The following HSD17B8 variants were observed in gnomAD, a reference collection of about 807,000 sequenced individuals.
HSD17B8 encodes hydroxysteroid 17-beta dehydrogenase 8.
A neutral mutation model predicts 33.2 loss-of-function variants in HSD17B8; 23 were observed. The ratio of observed to expected loss-of-function variants is 0.69; its 90% CI spans 0.50 to 0.98. HSD17B8 has a LOEUF of 0.98. Ranked by LOEUF, HSD17B8 falls within the 50% of genes least tolerant of loss-of-function variation. The pLI is 0.00. For synonymous variants in HSD17B8, 137 were observed against 138.6 expected (o/e 0.99, Z 0.08); for missense variants, 345 against 347.5 (o/e 0.99, Z 0.06).
In HSD17B8 at chr6:33,206,586, C is replaced by A; in HGVS notation, c.770-52C>A. 1 of 1,605,820 alleles carries A rather than the reference C, an allele frequency of 6.2e-7. No individual in the cohort carries two copies. On this transcript the variant is annotated intron_variant, in intron 8 of 8. Coordinates refer to ENST00000374662, the MANE Select transcript of HSD17B8 (RefSeq NM_014234.5). The surrounding 1 kb of genome is among the most constrained non-coding windows in gnomAD (Gnocchi z 6.2). ...AGGGACAGAAGTGGGTACCCCCTAG[C>A]CCATTTGTGTCTCCACCCATGCATC...
In HSD17B8 at chr6:33,206,471, G is replaced by A. The variant is rs1392931752; in HGVS notation, c.769+22G>A. ...ACTGGTATGAGGCCAGCATGGGGAG[G>A]GAGAGGGCAGAGAAGTAGAACCCAG... On this transcript the variant is annotated intron_variant, in intron 8 of 8. Coordinates refer to ENST00000374662, the MANE Select transcript of HSD17B8 (RefSeq NM_014234.5). The surrounding 1 kb of genome is among the most constrained non-coding windows in gnomAD (Gnocchi z 6.2). The A allele has an allele frequency of 6.2e-7, 1 of 1,604,534 alleles. No homozygotes were observed. The highest frequency in any genetic ancestry group is 8.5e-7 in the Non-Finnish European group (1 of 1,171,302).
chr6:33,204,751 G>A, intron 1 of HSD17B8, 31 bp downstream of exon 1: 1 of 1,612,376 alleles, frequency 6.2e-7, no homozygotes, highest in African/African-American at 1.3e-5. Flanking sequence ...GGGCGGTTTG[G>A]GGTATTGGAG....
In HSD17B8 at chr6:33,204,870, T is replaced by G. The variant is rs773332438; in HGVS notation, c.53-32T>G. Reference sequence around the variant, plus strand: ...TCTGATCCCTGCCCTCTCCTCCCCGTGCCCGGTCCGGCGTGTTCTGTCCTA... The same window carrying G: ...TCTGATCCCTGCCCTCTCCTCCCCGGGCCCGGTCCGGCGTGTTCTGTCCTA... On this transcript the variant is annotated intron_variant, in intron 1 of 8. Transcript: ENST00000374662. 4.2e-4 allele frequency: 630 copies of G among 1,492,102 alleles called. 1 individual carries two copies. The highest frequency in any genetic ancestry group is 5.1e-4 in the Non-Finnish European group (565 of 1,117,592). The allele number at this position is 1,492,102 out of a possible 1,614,324, so 92.4% of individuals were successfully genotyped here.
Position 33,205,918 on chromosome 6 carries a change from AGGC to A in HSD17B8, c.651+7_651+9del. 1.2e-6 allele frequency: 2 copies of A among 1,608,900 alleles called. No homozygotes were observed. Among genetic ancestry groups the A allele is most frequent in the Middle Eastern group, 3.3e-4 (2 of 6,060 alleles). ...CACAGAAAGTGGTGGACAAGGTAGGAGGCTGTGGGTGGAGGGCAGAATCATTCA... is the reference window on the plus strand; with the variant it reads ...CACAGAAAGTGGTGGACAAGGTAGGATGTGGGTGGAGGGCAGAATCATTCA... On this transcript the variant is annotated splice_region_variant and intron_variant, in intron 6 of 8. Transcript: ENST00000374662. This position sits in a 1 kb window ranked among gnomAD's most constrained non-coding sequence, Gnocchi z 5.0.
rs201546042 is a variant in HSD17B8, at chr6:33,206,664, G to A, written c.*10G>A. 5 of 1,613,718 alleles carry A rather than the reference G, an allele frequency of 3.1e-6. No homozygotes were observed. In the East Asian group the frequency reaches 1.1e-4, roughly 36 times the overall value. On this transcript the variant is annotated 3_prime_UTR_variant, in exon 9 of 9. Coordinates refer to ENST00000374662, the MANE Select transcript of HSD17B8 (RefSeq NM_014234.5). The surrounding 1 kb of genome is among the most constrained non-coding windows in gnomAD (Gnocchi z 6.2). ...AGGTCTTTTCATGTAACTGCCTCAA[G>A]GACCCTGGACTCTGCTCACCCCCCC...
chr6:33,205,677 A>G lies in HSD17B8; in HGVS notation c.518A>G (p.Lys173Arg). The G allele has an allele frequency of 6.2e-7, 1 of 1,613,110 alleles. No homozygotes were observed. The highest frequency in any genetic ancestry group is 1.3e-5 in the African/African-American group (1 of 75,066). ...GGGCAGACAAACTATGCAGCATCCA[A>G]GGCTGGAGTGATTGGGCTGACCCAG... ...NVGQTNYAASKAGVIGLTQTA... is the reference protein window; with the variant it reads ...NVGQTNYAASRAGVIGLTQTA... The change falls in exon 5 of 9, where the codon AAG becomes AGG. Residue 173 changes from lysine (K) to arginine (R), a missense_variant. Physicochemically the swap from Lys to Arg is conservative, Grantham distance 26. Coordinates refer to ENST00000374662, the MANE Select transcript of HSD17B8 (RefSeq NM_014234.5). This position sits in a 1 kb window ranked among gnomAD's most constrained non-coding sequence, Gnocchi z 5.0.
In HSD17B8 at chr6:33,206,098, A is replaced by G; in HGVS notation, c.652-36A>G. The G allele has an allele frequency of 1.9e-6, 3 of 1,600,794 alleles. No homozygotes were observed. Among genetic ancestry groups the G allele is most frequent in the Non-Finnish European group, 2.6e-6 (3 of 1,175,328 alleles). On this transcript the variant is annotated intron_variant, in intron 6 of 8. Coordinates refer to ENST00000374662, the MANE Select transcript of HSD17B8 (RefSeq NM_014234.5). This position sits in a 1 kb window ranked among gnomAD's most constrained non-coding sequence, Gnocchi z 6.2. ...GACTCAGTCTTCAAAAAAATCCATA[A>G]AAGAAGCTTTCACCCACATGAGTAT...
At position 33,204,978 on chromosome 6, in the gene HSD17B8, G is replaced by A. The variant is rs111493353; in HGVS notation, c.129G>A (p.Leu43=). 3,863 of 1,480,472 alleles carry A rather than the reference G, an allele frequency of 2.6e-3. 86 individuals are homozygous for A. In the South Asian group the frequency reaches 0.036, roughly 14 times the overall value. 91.7% of individuals were successfully genotyped at this position (1,480,472 alleles called of 1,614,324 possible). Residue 43 remains leucine, a synonymous_variant, in exon 2 of 9, where the codon CTG becomes CTA. Transcript: ENST00000374662. ...GEGATVAACD[L]DRAAAQETVR... Reference sequence around the variant, plus strand: ...GGGCCACCGTAGCTGCCTGCGACCTGGACCGGGCAGCGGCACAGGAGACGG... The same window carrying A: ...GGGCCACCGTAGCTGCCTGCGACCTAGACCGGGCAGCGGCACAGGAGACGG...
Position 33,206,773 on chromosome 6 carries a change from G to A in HSD17B8, c.*119G>A. The A allele has an allele frequency of 1.9e-6, 2 of 1,069,660 alleles. No individual in the cohort carries two copies. Among genetic ancestry groups the A allele is most frequent in the Non-Finnish European group, 2.9e-6 (2 of 691,366 alleles). The allele number at this position is 1,069,660 out of a possible 1,614,324, so 66.3% of individuals were successfully genotyped here. On this transcript the variant is annotated 3_prime_UTR_variant, in exon 9 of 9. Coordinates refer to ENST00000374662, the MANE Select transcript of HSD17B8 (RefSeq NM_014234.5). The surrounding 1 kb of genome is among the most constrained non-coding windows in gnomAD (Gnocchi z 6.2). Reference sequence around the variant, plus strand: ...TGGCAGTGTATGGTTCAGGAATGCTGAATATGGGAAGCAGGGGTGCTTGTG... The same window carrying A: ...TGGCAGTGTATGGTTCAGGAATGCTAAATATGGGAAGCAGGGGTGCTTGTG...
Position 33,206,375 on chromosome 6 carries a change from A to G in HSD17B8, c.695A>G (p.Asp232Gly). The G allele has an allele frequency of 6.2e-7, 1 of 1,613,518 alleles. No individual in the cohort carries two copies. Among genetic ancestry groups the G allele is most frequent in the Non-Finnish European group, 8.5e-7 (1 of 1,179,852 alleles). The change falls in exon 8 of 9, where the codon GAT (aspartate) becomes GGT (glycine). Residue 232 changes from aspartate (D) to glycine (G), a missense_variant and splice_region_variant. Transcript: ENST00000374662. This position sits in a 1 kb window ranked among gnomAD's most constrained non-coding sequence, Gnocchi z 6.2. ...IPMGHLGDPE[D>G]VADVVAFLAS... ...TGCCCTCTCCCCACCATTCTCATAG[A>G]TGTGGCAGATGTGGTCGCATTCTTG...
chr6:33,205,885 G>C lies in HSD17B8; in HGVS notation c.624G>C (p.Gln208His). Residue 208 changes from glutamine to histidine, a missense_variant, in exon 6 of 9, where the codon CAG becomes CAC. Gln to His is a conservative substitution (Grantham distance 24, BLOSUM62 0). Coordinates refer to ENST00000374662, the MANE Select transcript of HSD17B8 (RefSeq NM_014234.5). This position sits in a 1 kb window ranked among gnomAD's most constrained non-coding sequence, Gnocchi z 5.0. ...LPGFIATPMT[Q>H]KVPQKVVDKI... ...GGTTCATTGCAACACCCATGACACAGAAAGTGCCACAGAAAGTGGTGGACA... is the reference window on the plus strand; with the variant it reads ...GGTTCATTGCAACACCCATGACACACAAAGTGCCACAGAAAGTGGTGGACA... 6 of 1,612,934 alleles carry C rather than the reference G, an allele frequency of 3.7e-6. No individual in the cohort carries two copies. The highest frequency in any genetic ancestry group is 2.2e-5 in the East Asian group (1 of 44,882).
At position 33,206,389 on chromosome 6, in the gene HSD17B8, G is replaced by T; in HGVS notation, c.709G>T (p.Val237Phe). Reference protein sequence around the residue: ...LGDPEDVADVVAFLASEDSGY... With the variant: ...LGDPEDVADVFAFLASEDSGY... The stretch of plus-strand genomic sequence containing the variant: ...CATTCTCATAGATGTGGCAGATGTG[G>T]TCGCATTCTTGGCATCTGAAGATAG... Residue 237 changes from valine (V) to phenylalanine (F), a missense_variant, in exon 8 of 9, where the codon GTC becomes TTC. Val to Phe is a conservative substitution (Grantham distance 50). Transcript: ENST00000374662. This position sits in a 1 kb window ranked among gnomAD's most constrained non-coding sequence, Gnocchi z 6.2. The T allele has an allele frequency of 6.2e-7, 1 of 1,613,900 alleles. No individual in the cohort carries two copies. Among genetic ancestry groups the T allele is most frequent in the South Asian group, 1.1e-5 (1 of 91,086 alleles).
In HSD17B8 at chr6:33,205,434, C is replaced by G; in HGVS notation, c.388-13C>G. The G allele has an allele frequency of 6.2e-7, 1 of 1,612,700 alleles. No individual in the cohort carries two copies. On this transcript the variant is annotated splice_polypyrimidine_tract_variant and intron_variant, in intron 3 of 8. Transcript: ENST00000374662. The surrounding 1 kb of genome is among the most constrained non-coding windows in gnomAD (Gnocchi z 5.0). ...CAGCTGATCTTTTCTCCCTTGTTAC[C>G]CTTTCCCGCCAGGGCACCTTCCTAG...
In HSD17B8 at chr6:33,206,208, A is replaced by AG; in HGVS notation, c.694+37dup. On this transcript the variant is annotated intron_variant, in intron 7 of 8. Coordinates refer to ENST00000374662, the MANE Select transcript of HSD17B8 (RefSeq NM_014234.5). The surrounding 1 kb of genome is among the most constrained non-coding windows in gnomAD (Gnocchi z 6.2). ...ACTGAATGTAGTGGGGTCCCTGGGA[A>AG]GGGGGCCTGAATGAAGAGATCCCCA... The AG allele has an allele frequency of 6.2e-7, 1 of 1,608,846 alleles. No individual in the cohort carries two copies. The highest frequency in any genetic ancestry group is 8.5e-7 in the Non-Finnish European group (1 of 1,176,782).
Position 33,205,637 on chromosome 6 carries a change from T to C in HSD17B8, c.481-3T>C. The C allele has an allele frequency of 6.2e-7, 1 of 1,612,958 alleles. No individual in the cohort carries two copies. The highest frequency in any genetic ancestry group is 8.5e-7 in the Non-Finnish European group (1 of 1,179,952). The stretch of plus-strand genomic sequence containing the variant: ...TCATTCCACATCTCTGACTCACCTA[T>C]AGGTGGGGAACGTGGGGCAGACAAA... On this transcript the variant is annotated splice_polypyrimidine_tract_variant and splice_region_variant and intron_variant, in intron 4 of 8. Transcript: ENST00000374662. This position sits in a 1 kb window ranked among gnomAD's most constrained non-coding sequence, Gnocchi z 5.0.
At chr6:33,204,824 T>G in intron 1 of HSD17B8, 78 bp from the exon 2 acceptor site, 1 of 1,544,162 alleles carries the variant, frequency 6.5e-7, no homozygotes, top group Non-Finnish European at 8.8e-7. Flanking sequence ...TTACCCACAT[T>G]TTACTTTCTG....
rs949855585 is a variant in HSD17B8 at position 33,205,665 on chromosome 6, A to C, written c.506A>C (p.Tyr169Ser). The C allele has an allele frequency of 6.2e-7, 1 of 1,607,868 alleles. No individual in the cohort carries two copies. The highest frequency in any genetic ancestry group is 1.1e-5 in the South Asian group (1 of 91,080). ...GKVGNVGQTN[Y>S]AASKAGVIGL... Reference sequence around the variant, plus strand: ...GTGGGGAACGTGGGGCAGACAAACTATGCAGCATCCAAGGCTGGAGTGATT... The same window carrying C: ...GTGGGGAACGTGGGGCAGACAAACTCTGCAGCATCCAAGGCTGGAGTGATT... The change falls in exon 5 of 9, where the codon TAT (tyrosine) becomes TCT (serine). Residue 169 changes from tyrosine to serine, a missense_variant. Tyr to Ser is a moderately radical substitution (Grantham distance 144). Coordinates refer to ENST00000374662, the MANE Select transcript of HSD17B8 (RefSeq NM_014234.5). This position sits in a 1 kb window ranked among gnomAD's most constrained non-coding sequence, Gnocchi z 5.0.
Position 33,205,713 on chromosome 6 carries a change from G to A in HSD17B8, c.554G>A (p.Arg185Gln), listed in dbSNP as rs754338657. The A allele has an allele frequency of 6.2e-6, 10 of 1,612,936 alleles. No individual in the cohort carries two copies. In the Admixed American group the frequency reaches 1.5e-4, roughly 24 times the overall value. ...ATTGGGCTGACCCAGACCGCAGCCC[G>A]GGAGCTTGGACGGTTGGTCAGATGC... ...GVIGLTQTAA[R>Q]ELGRHGIRCN... is the part of the protein sequence containing the mutation. The change falls in exon 5 of 9, where the codon CGG becomes CAG. Residue 185 changes from arginine (R) to glutamine (Q), a missense_variant. Coordinates refer to ENST00000374662, the MANE Select transcript of HSD17B8 (RefSeq NM_014234.5). The surrounding 1 kb of genome is among the most constrained non-coding windows in gnomAD (Gnocchi z 5.0).
intron 1 of HSD17B8, 38 bp downstream of exon 1, chr6:33,204,758 G>C (rs747151419): frequency 2.5e-6 from 4 of 1,611,606 alleles, no homozygotes; most frequent in Non-Finnish European, 3.4e-6. Context: ...TTGGGGTATT[G>C]GAGTGAGGTC....
Sources: gnomAD v4.1 joint callset for allele counts on GRCh38, gnomAD v4.1.1 for gene constraint, Gnocchi (gnomAD v3.1) non-coding constraint, MANE v1.5 for transcripts, NCBI Gene and HGNC (gene_info 2026-07-23, HGNC 2026-07-21) for gene names.